C12orf42: variants seen among roughly 807,000 people sequenced by gnomAD.
C12orf42 encodes chromosome 12 open reading frame 42.
Under a neutral mutation model 21.6 loss-of-function variants are expected in C12orf42, and 25 were observed. The observed-to-expected ratio is 1.16, with a 90% CI of 0.84 to 1.62. The LOEUF (loss-of-function observed/expected upper bound fraction) is 1.62, where lower values mean the gene tolerates loss of function less well. Among genes scored for constraint, C12orf42 ranks in the 40% most tolerant of loss-of-function variants. The pLI, the probability that C12orf42 is intolerant of heterozygous loss-of-function variation, is 0.00. For missense variants in C12orf42, 483 were observed against 459.3 expected (o/e 1.05, Z -0.47); for synonymous variants, 174 against 175.0 (o/e 0.99, Z 0.05).
downstream of C12orf42, chr12:103,301,856 C>T: frequency 2.1e-6 from 1 of 467,128 alleles, no homozygotes; most frequent in Non-Finnish European, 3.7e-6. Context: ...GTACCCCATC[C>T]CTATTGTGAG....
chr12:103,308,212 G>C (rs1031051829), intron 4 of C12orf42, among the ~76,000 whole-genome samples: 3 of 152,110 alleles, frequency 2.0e-5, no homozygotes, highest in Non-Finnish European at 4.4e-5. Flanking sequence ...GAAAACACTT[G>C]ACAAATATTG....
chr12:103,101,469 C>G, the C12orf42 span, among the ~76,000 whole-genome samples: 1 of 152,068 alleles, frequency 6.6e-6, no homozygotes, highest in African/African-American at 2.4e-5. Flanking sequence ...TTAACAATAG[C>G]CATTATCATC....
At chr12:103,371,811 A>G (rs1180442997) in intron 3 of C12orf42, among the ~76,000 whole-genome samples, 1 of 152,142 alleles carries the variant, frequency 6.6e-6, no homozygotes, top group Non-Finnish European at 1.5e-5. Flanking sequence ...AGCTAGGGCA[A>G]CTTACCTTCT....
chr12:103,123,392 T>C, the C12orf42 span, among the ~76,000 whole-genome samples: 1 of 152,152 alleles, frequency 6.6e-6, no homozygotes, highest in African/African-American at 2.4e-5. Flanking sequence ...AAGATAATTC[T>C]GGAGTGATCT....
chr12:103,334,942 G>C (rs1178356124), intron 4 of C12orf42, among the ~76,000 whole-genome samples: 1 of 151,956 alleles, frequency 6.6e-6, no homozygotes, highest in Non-Finnish European at 1.5e-5. Context: ...TTCTTTTCCA[G>C]CTTCAAGCTC....
intron 1 of C12orf42, among the ~76,000 whole-genome samples, chr12:103,493,768 A>G (rs890910265): frequency 1.3e-5 from 2 of 151,952 alleles, no homozygotes; most frequent in Non-Finnish European, 2.9e-5. Context: ...GGAGAAAAAG[A>G]CAAGAAATTA....
At chr12:103,498,288 TA>T (rs1165150756), upstream of C12orf42, among the ~76,000 whole-genome samples, 2 of 152,242 alleles carry the variant, frequency 1.3e-5, no homozygotes, top group Non-Finnish European at 2.9e-5. Context: ...AATTTGGCTA[TA>T]TAATAGCAGT....
chr12:103,168,010 G>C, the C12orf42 span: 1 of 443,738 alleles, frequency 2.3e-6, no homozygotes, highest in East Asian at 7.3e-5. Flanking sequence ...AATTGTGTCT[G>C]TTAATATGTA....
chr12:103,158,029 T>C, the C12orf42 span, among the ~76,000 whole-genome samples: 1 of 152,232 alleles, frequency 6.6e-6, no homozygotes, highest in African/African-American at 2.4e-5. Context: ...CACTCTATTA[T>C]GTTTCAAAAG....
chr12:103,317,602 G>T (rs1291151863), intron 4 of C12orf42, among the ~76,000 whole-genome samples: 1 of 152,190 alleles, frequency 6.6e-6, no homozygotes, highest in African/African-American at 2.4e-5. Context: ...TTCATTGAAT[G>T]AATGTCTCTA....
intron 3 of C12orf42, 125 bp downstream of exon 3, chr12:103,401,481 TA>T (rs2047986390): frequency 2.6e-6 from 2 of 770,968 alleles, no homozygotes; most frequent in East Asian, 5.4e-5. Context: ...TTTTAAAATG[TA>T]AAAAATCCTT....
chr12:103,294,297 G>C (rs971351953), intron 4 of C12orf42, among the ~76,000 whole-genome samples: 1 of 150,742 alleles, frequency 6.6e-6, no homozygotes, highest in Non-Finnish European at 1.5e-5. Context: ...CCATAGAGGA[G>C]GGAAAACACA....
chr12:103,280,857 A>G (rs2036070909), intron 4 of C12orf42, among the ~76,000 whole-genome samples: 1 of 152,186 alleles, frequency 6.6e-6, no homozygotes, highest in Admixed American at 6.5e-5. Flanking sequence ...AGAGAAAGTG[A>G]CTTGCAGATC....
chr12:103,236,547 A>G (rs2033472717), downstream of C12orf42, among the ~76,000 whole-genome samples: 1 of 152,188 alleles, frequency 6.6e-6, no homozygotes, highest in Non-Finnish European at 1.5e-5. Flanking sequence ...TCTCCCAATT[A>G]AAACAGCAGT....
intron 6 of C12orf42, among the ~76,000 whole-genome samples, chr12:103,269,314 A>T (rs1320014798): frequency 2.0e-5 from 3 of 152,096 alleles, no homozygotes; most frequent in Non-Finnish European, 2.9e-5. Flanking sequence ...CAGAGGTGAA[A>T]TGTGGCTGCA....
chr12:103,490,518 A>G (rs1955122098), intron 1 of C12orf42, among the ~76,000 whole-genome samples: 2 of 152,076 alleles, frequency 1.3e-5, no homozygotes. Flanking sequence ...ATTTTCACAT[A>G]TCAGTGAGCA....
the C12orf42 span, among the ~76,000 whole-genome samples, chr12:103,545,656 G>A: frequency 6.6e-6 from 1 of 152,178 alleles, no homozygotes; most frequent in Admixed American, 6.5e-5. Flanking sequence ...GTGTTACCTT[G>A]CTCAGCAATA....
At chr12:103,398,767 T>C (rs1274055112) in intron 3 of C12orf42, among the ~76,000 whole-genome samples, 1 of 152,164 alleles carries the variant, frequency 6.6e-6, no homozygotes, top group African/African-American at 2.4e-5. Flanking sequence ...CATCAGTATC[T>C]AATATCCTTT....
At chr12:103,515,841 G>A in the C12orf42 span, among the ~76,000 whole-genome samples, 1 of 152,102 alleles carries the variant, frequency 6.6e-6, no homozygotes, top group Non-Finnish European at 1.5e-5. Flanking sequence ...AAAGAAAGAA[G>A]GGCTATTAAT....
Sources: gnomAD v4.1 joint callset for allele counts (sites outside exome capture counted in the v4.1 genomes callset) on GRCh38, gnomAD v4.1.1 for gene constraint, MANE v1.5 for transcripts, NCBI Gene and HGNC (gene_info 2026-07-23, HGNC 2026-07-21) for gene names.